IST1: variants seen among roughly 807,000 people sequenced by gnomAD.
The protein encoded by IST1 is IST1 factor associated with ESCRT-III, also known as IST1 homolog.
IST1 carries 23 observed loss-of-function variants against 37.0 expected under a neutral mutation model. The observed-to-expected ratio is 0.62, with a 90% CI of 0.45 to 0.88. The LOEUF is 0.88. Among genes scored for constraint, IST1 ranks in the 40% least tolerant of loss-of-function variants. The pLI is 0.00. For missense variants in IST1, 488 were observed against 445.4 expected (o/e 1.10, Z -0.86); for synonymous variants, 180 against 161.7 (o/e 1.11, Z -0.86).
intron 1 of IST1, among the ~76,000 whole-genome samples, chr16:71,912,804 GT>G (rs939916848): frequency 1.3e-5 from 2 of 152,102 alleles, no homozygotes; most frequent in African/African-American, 4.8e-5. Flanking sequence ...TCTACTTTCT[GT>G]TTCTCTGAAT....
rs183468294 is a variant in IST1, at chr16:71,930,154, G to A, written c.*2341G>A. 2.6e-6 allele frequency: 4 copies of A among 1,551,174 alleles called. No homozygotes were observed. In the East Asian group the frequency reaches 9.8e-5, roughly 38 times the overall value. ...AGATGACACTGGTGAGGATCAGAAA[G>A]GTGCCCAGGACTGGGTCTAAAGCGA... On this transcript the variant is annotated 3_prime_UTR_variant, in exon 10 of 10. Transcript: ENST00000378799.
chr16:71,895,014 C>T, upstream of IST1: 3 of 560,450 alleles, frequency 5.4e-6, no homozygotes, highest in Non-Finnish European at 9.4e-6. Flanking sequence ...GGCGGGGGAA[C>T]GCTTAGAGCC....
At chr16:71,899,178 G>GT (rs952838102) in intron 1 of IST1, among the ~76,000 whole-genome samples, 18 of 151,778 alleles carry the variant, frequency 1.2e-4, no homozygotes, top group African/African-American at 2.9e-4. Context: ...TGATCTTACA[G>GT]TTTTTTTTTT....
At chr16:71,914,016 C>A (rs1188955579) in intron 1 of IST1, among the ~76,000 whole-genome samples, 1 of 151,952 alleles carries the variant, frequency 6.6e-6, no homozygotes, top group African/African-American at 2.4e-5. Context: ...CCGTGTTGGT[C>A]AGGCTGATCT....
chr16:71,899,903 G>C (rs546724227), intron 1 of IST1, among the ~76,000 whole-genome samples: 1 of 150,672 alleles, frequency 6.6e-6, no homozygotes, highest in East Asian at 2.0e-4. Flanking sequence ...GGTGCCTGTA[G>C]TCCCAGCTAC....
At chr16:71,902,788 C>T (rs1597233770) in intron 1 of IST1, among the ~76,000 whole-genome samples, 1 of 151,964 alleles carries the variant, frequency 6.6e-6, no homozygotes, top group Non-Finnish European at 1.5e-5. Context: ...TTATATGTTC[C>T]TTTTCTTTGT....
intron 9 of IST1, among the ~76,000 whole-genome samples, chr16:71,926,289 T>C (rs988916717): frequency 4.0e-5 from 6 of 151,722 alleles, no homozygotes; most frequent in African/African-American, 1.5e-4. Context: ...CTAAAAAGAA[T>C]ATAAATAATA....
chr16:71,908,325 A>C (rs1256082660), intron 1 of IST1, among the ~76,000 whole-genome samples: 2 of 105,330 alleles, frequency 1.9e-5, no homozygotes, highest in African/African-American at 7.2e-5. Context: ...TTTTGGAGAC[A>C]GTCTTGCTCT....
At chr16:71,898,937 C>T (rs1028308255) in intron 1 of IST1, among the ~76,000 whole-genome samples, 11 of 147,996 alleles carry the variant, frequency 7.4e-5, no homozygotes, top group African/African-American at 2.7e-4. Flanking sequence ...TGCACTCCAG[C>T]CTGGGCAGCA....
intron 1 of IST1, among the ~76,000 whole-genome samples, chr16:71,909,347 C>T (rs1336660820): frequency 6.6e-6 from 1 of 152,150 alleles, no homozygotes; most frequent in African/African-American, 2.4e-5. Flanking sequence ...TCAAGCGATC[C>T]TCCTGCCCGG....
chr16:71,906,235 C>T (rs2037220986), intron 1 of IST1, among the ~76,000 whole-genome samples: 2 of 151,698 alleles, frequency 1.3e-5, no homozygotes, highest in Admixed American at 6.6e-5. Context: ...AATCTCCTGA[C>T]CTCGTGATCC....
chr16:71,924,866 G>C, intron 9 of IST1, 49 bp downstream of exon 9: 1 of 1,292,620 alleles, frequency 7.7e-7, no homozygotes. Context: ...TGAACCCTCT[G>C]CTGTTTTCTC....
At chr16:71,925,472 C>T (rs999442242) in intron 9 of IST1, among the ~76,000 whole-genome samples, 5 of 151,792 alleles carry the variant, frequency 3.3e-5, no homozygotes, top group African/African-American at 4.8e-5. Context: ...CACGCCACCA[C>T]GCCCAGCTAA....
Position 71,930,216 on chromosome 16 carries a change from G to A in IST1, c.*2403G>A, listed in dbSNP as rs1222046036. 2 of 1,517,778 alleles carry A rather than the reference G, an allele frequency of 1.3e-6. No homozygotes were observed. Among genetic ancestry groups the A allele is most frequent in the African/African-American group, 2.8e-5 (2 of 71,370 alleles). 94.0% of individuals were successfully genotyped at this position (1,517,778 alleles called of 1,614,324 possible). A position where few individuals can be genotyped will look rare whatever the true frequency, so the allele number is the denominator to read the frequency against. ...AACAATAAGAACACTTGCAGTGACTGACAATTTAGTTTATACTTTACAAAC... is the reference window on the plus strand; with the variant it reads ...AACAATAAGAACACTTGCAGTGACTAACAATTTAGTTTATACTTTACAAAC... On this transcript the variant is annotated 3_prime_UTR_variant, in exon 10 of 10. Transcript: ENST00000378799.
intron 1 of IST1, among the ~76,000 whole-genome samples, chr16:71,907,113 G>T (rs2037240683): frequency 6.6e-6 from 1 of 151,580 alleles, no homozygotes; most frequent in African/African-American, 2.4e-5. Flanking sequence ...ATTCAAGTTT[G>T]CTAAGCTTTT....
At chr16:71,895,399 G>A, upstream of IST1, 1 of 431,724 alleles carries the variant, frequency 2.3e-6, no homozygotes, top group Non-Finnish European at 3.1e-6. Flanking sequence ...ACCGAGGGAG[G>A]GTGCCCCGAG....
At chr16:71,925,235 G>A (rs905284307) in intron 9 of IST1, among the ~76,000 whole-genome samples, 1 of 151,414 alleles carries the variant, frequency 6.6e-6, no homozygotes, top group Non-Finnish European at 1.5e-5. Flanking sequence ...GGATGGTCTC[G>A]ATCTCCTGAC....
chr16:71,924,860 C>T, intron 9 of IST1, 43 bp downstream of exon 9: 1 of 1,341,844 alleles, frequency 7.5e-7, no homozygotes, highest in Non-Finnish European at 1.1e-6. Context: ...CAGTGCTGAA[C>T]CCTCTGCTGT....
At chr16:71,916,068 G>T (rs1344295571) in intron 2 of IST1, among the ~76,000 whole-genome samples, 1 of 152,166 alleles carries the variant, frequency 6.6e-6, no homozygotes, top group African/African-American at 2.4e-5. Flanking sequence ...TGACCTCAAA[G>T]TCATCTGCCT....
Sources: gnomAD v4.1 joint callset for allele counts (sites outside exome capture counted in the v4.1 genomes callset) on GRCh38, gnomAD v4.1.1 for gene constraint, MANE v1.5 for transcripts, NCBI Gene and HGNC (gene_info 2026-07-23, HGNC 2026-07-21) for gene names.